PCDH15: variants seen among roughly 807,000 people sequenced by gnomAD.
The protein encoded by PCDH15 is protocadherin-15.
Under a neutral mutation model 178.5 loss-of-function variants are expected in PCDH15, and 129 were observed. That is an observed-to-expected ratio of 0.72 (90% CI 0.63 to 0.84). The LOEUF (loss-of-function observed/expected upper bound fraction) is 0.84, where lower values mean the gene tolerates loss of function less well. Ranked by LOEUF, PCDH15 falls within the 40% of genes least tolerant of loss-of-function variation. The probability of loss-of-function intolerance (pLI) is 0.00; values close to 1 mark genes in which losing one functional copy is unlikely to be tolerated. For synonymous variants in PCDH15, 800 were observed against 732.0 expected, an observed-to-expected ratio of 1.09 and a Z score of -1.50; for missense variants, 2,230 against 2,099.9, an observed-to-expected ratio of 1.06 and a Z score of -1.21.
chr10:55,471,577 T>G (rs1293471707), intron 2 of PCDH15, among the ~76,000 whole-genome samples: 1 of 152,224 alleles, frequency 6.6e-6, no homozygotes, highest in Non-Finnish European at 1.5e-5. Flanking sequence ...CATGGCCTGA[T>G]GAAACCACAT....
intron 2 of PCDH15, among the ~76,000 whole-genome samples, chr10:55,419,761 A>G (rs542633563): frequency 6.6e-6 from 1 of 151,860 alleles, no homozygotes; most frequent in East Asian, 1.9e-4. Context: ...CTTTAGGGCT[A>G]CAAGTGTTGG....
intron 1 of PCDH15, among the ~76,000 whole-genome samples, chr10:55,186,249 T>A (rs1839796608): frequency 6.6e-6 from 1 of 151,516 alleles, no homozygotes; most frequent in African/African-American, 2.4e-5. Flanking sequence ...ACTGGCTAAT[T>A]ATTAATTATT....
chr10:54,390,538 A>G (rs1490597131), intron 3 of PCDH15, among the ~76,000 whole-genome samples: 1 of 152,062 alleles, frequency 6.6e-6, no homozygotes, highest in Non-Finnish European at 1.5e-5. Flanking sequence ...CTCGTGGTCC[A>G]CCCACCTCGG....
rs75020539 is a variant in PCDH15 at position 55,329,954 on chromosome 10, C to T, written c.-155-163303G>A. ...GACACTTCATAATGCAACTGACATG[C>T]TATGAACTGCCATTTTACTGAGTCA... On this transcript the variant is annotated intron_variant, in intron 2 of 5. Coordinates refer to the PCDH15 transcript ENST00000613346. Among the ~76,000 whole-genome samples, 777 of 151,806 alleles carry T rather than the reference C, an allele frequency of 5.1e-3. 7 individuals are homozygous for T. The highest frequency in any genetic ancestry group is 0.017 in the African/African-American group (689 of 41,498).
At chr10:54,719,348 C>G (rs778277259) in intron 1 of PCDH15, among the ~76,000 whole-genome samples, 1 of 151,806 alleles carries the variant, frequency 6.6e-6, no homozygotes, top group Non-Finnish European at 1.5e-5. Flanking sequence ...CTTAACAAAG[C>G]CTTTGAGAAA....
intron 2 of PCDH15, among the ~76,000 whole-genome samples, chr10:55,565,215 T>C (rs1001363136): frequency 2.0e-5 from 3 of 151,744 alleles, no homozygotes; most frequent in African/African-American, 7.2e-5. Context: ...AATCAAAAAA[T>C]ATGTGGAAAT....
At chr10:54,599,513 G>A (rs1350779937) in intron 2 of PCDH15, among the ~76,000 whole-genome samples, 1 of 152,030 alleles carries the variant, frequency 6.6e-6, no homozygotes, top group Non-Finnish European at 1.5e-5. Context: ...AATTCAAAAT[G>A]TATTAAATAC....
At chr10:55,516,908 A>G (rs1841027110) in intron 2 of PCDH15, among the ~76,000 whole-genome samples, 1 of 152,050 alleles carries the variant, frequency 6.6e-6, no homozygotes, top group African/African-American at 2.4e-5. Context: ...GCTAATGGAG[A>G]CTTTATATAA....
At chr10:54,246,288 AT>A (rs1431102849) in intron 8 of PCDH15, among the ~76,000 whole-genome samples, 1 of 152,100 alleles carries the variant, frequency 6.6e-6, no homozygotes, top group East Asian at 1.9e-4. Context: ...TATTGTCAGT[AT>A]CTCAGAAAAC....
intron 3 of PCDH15, among the ~76,000 whole-genome samples, chr10:54,380,727 T>C (rs76698578): frequency 3.6e-4 from 33 of 91,378 alleles, no homozygotes; most frequent in South Asian, 9.1e-4. Flanking sequence ...TATATATATA[T>C]ATATATATAT....
intron 25 of PCDH15, among the ~76,000 whole-genome samples, chr10:53,930,770 C>T (rs2084990944): frequency 6.6e-6 from 1 of 152,090 alleles, no homozygotes; most frequent in Non-Finnish European, 1.5e-5. Context: ...TACATAAACC[C>T]CCTAGCTTTA....
intron 26 of PCDH15, among the ~76,000 whole-genome samples, chr10:53,881,355 A>G (rs2080704381): frequency 6.6e-6 from 1 of 152,158 alleles, no homozygotes; most frequent in Non-Finnish European, 1.5e-5. Flanking sequence ...TAATGGGTAC[A>G]CTATTAGGGC....
At chr10:54,858,420 A>G (rs1313462412) in intron 3 of PCDH15, among the ~76,000 whole-genome samples, 1 of 152,146 alleles carries the variant, frequency 6.6e-6, no homozygotes, top group Non-Finnish European at 1.5e-5. Flanking sequence ...TTTTAAATCC[A>G]TTATCTGTCC....
chr10:55,388,965 T>G lies in PCDH15; in HGVS notation c.-155-222314A>C, dbSNP rs190713641. Among the ~76,000 whole-genome samples, 282 of 152,240 alleles carry G rather than the reference T, an allele frequency of 1.9e-3. 1 individual carries two copies. The highest frequency in any genetic ancestry group is 4.8e-3 in the African/African-American group (201 of 41,574). On this transcript the variant is annotated intron_variant, in intron 2 of 5. Transcript: ENST00000613346. ...ATGAGTTCCTTCTCTGAATGATAATTGTGGGAAATCACCTCATTGAATGAA... is the reference window on the plus strand; with the variant it reads ...ATGAGTTCCTTCTCTGAATGATAATGGTGGGAAATCACCTCATTGAATGAA...
chr10:53,937,815 T>C lies in PCDH15; in HGVS notation c.3373+1000A>G, dbSNP rs1379210468. 2.0e-5 allele frequency among the ~76,000 whole-genome samples: 3 copies of C among 152,180 alleles called. No individual in the cohort carries two copies. The East Asian group carries it at 5.8e-4, about 29-fold the overall frequency. ...TCACACTGCCTGGGTTCTTGCTTTA[T>C]GCCTCTGCCCTCTTCTTTTTCCCTC... is the stretch of plus-strand genomic sequence containing the variant. On this transcript the variant is annotated intron_variant, in intron 25 of 37. Transcript: ENST00000644397.
At chr10:55,146,847 T>C (rs1210330468) in intron 2 of PCDH15, among the ~76,000 whole-genome samples, 1 of 72,290 alleles carries the variant, frequency 1.4e-5, no homozygotes, top group Non-Finnish European at 3.3e-5. Flanking sequence ...TGTGCATATG[T>C]ACTTTTACTG....
At chr10:54,888,852 G>T (rs1278540550) in intron 3 of PCDH15, among the ~76,000 whole-genome samples, 2 of 147,692 alleles carry the variant, frequency 1.4e-5, no homozygotes, top group African/African-American at 5.0e-5. Flanking sequence ...CATGCTAAAT[G>T]ATATATGTCT....
chr10:55,619,504 G>C (rs1843545328), intron 2 of PCDH15, among the ~76,000 whole-genome samples: 1 of 151,842 alleles, frequency 6.6e-6, no homozygotes, highest in Non-Finnish European at 1.5e-5. Flanking sequence ...CTTTCTAACT[G>C]GGAAATTTTG....
intron 3 of PCDH15, among the ~76,000 whole-genome samples, chr10:54,465,640 G>T (rs2077468179): frequency 6.6e-6 from 1 of 151,762 alleles, no homozygotes; most frequent in African/African-American, 2.4e-5. Flanking sequence ...CCCATTTGTT[G>T]GTTGATGGAC....
Sources: gnomAD v4.1 joint callset for allele counts (sites outside exome capture counted in the v4.1 genomes callset) on GRCh38, gnomAD v4.1.1 for gene constraint, MANE v1.5 for transcripts, NCBI Gene and HGNC (gene_info 2026-07-23, HGNC 2026-07-21) for gene names.